Variants in GAB1 observed in about 807,000 individuals in gnomAD.
The protein encoded by GAB1 is GRB2-associated-binding protein 1.
A neutral mutation model predicts 66.5 loss-of-function variants in GAB1; 19 were observed. The ratio of observed to expected loss-of-function variants is 0.29; its 90% CI spans 0.20 to 0.42. GAB1 has a LOEUF of 0.42. Among genes scored for constraint, GAB1 ranks in the 10% least tolerant of loss-of-function variants. The pLI is 1.00. For synonymous variants in GAB1, 294 were observed against 301.4 expected, an observed-to-expected ratio of 0.98 and a Z score of 0.25; for missense variants, 732 against 858.5, an observed-to-expected ratio of 0.85 and a Z score of 1.84.
At chr4:143,356,005 G>A (rs1356464055) in intron 1 of GAB1, among the ~76,000 whole-genome samples, 2 of 151,948 alleles carry the variant, frequency 1.3e-5, no homozygotes, top group Non-Finnish European at 2.9e-5. Flanking sequence ...CATGGCCTAA[G>A]TTCTGAAATT....
intron 7 of GAB1, 104 bp from the exon 8 acceptor site, chr4:143,460,260 G>T: frequency 9.4e-7 from 1 of 1,064,900 alleles, no homozygotes; most frequent in South Asian, 1.3e-5. Flanking sequence ...AAACATAAGG[G>T]AATATTTCTG....
Position 143,406,484 on chromosome 4 carries a change from G to A in GAB1, c.73-8993G>A, listed in dbSNP as rs192639772. 4.6e-5 allele frequency among the ~76,000 whole-genome samples: 7 copies of A among 152,328 alleles called. No individual in the cohort carries two copies. In the East Asian group the frequency reaches 1.4e-3, roughly 29 times the overall value. ...TTGTTCTTCACTAGCTGCAACTTGT[G>A]TTCCAAATCTTTAGCTGGCCAGATT... On this transcript the variant is annotated intron_variant, in intron 1 of 9. Coordinates refer to ENST00000262994, the MANE Select transcript of GAB1 (RefSeq NM_002039.4).
At chr4:143,460,289 C>T in intron 7 of GAB1, 75 bp from the exon 8 acceptor site, 4 of 1,385,862 alleles carry the variant, frequency 2.9e-6, no homozygotes, top group South Asian at 2.3e-5. Context: ...CAGACTGTCT[C>T]TCATTTTTAT....
At chr4:143,394,346 T>C (rs918439435) in intron 1 of GAB1, among the ~76,000 whole-genome samples, 5 of 149,954 alleles carry the variant, frequency 3.3e-5, no homozygotes, top group African/African-American at 7.4e-5. Context: ...AAGCTGGAGG[T>C]TTTTCAAGGA....
intron 1 of GAB1, among the ~76,000 whole-genome samples, chr4:143,345,486 A>G (rs1194981477): frequency 6.6e-6 from 1 of 152,270 alleles, no homozygotes; most frequent in Non-Finnish European, 1.5e-5. Context: ...GACAAATATT[A>G]AACTTTGCTT....
At chr4:143,376,158 C>T (rs1730408181) in intron 1 of GAB1, among the ~76,000 whole-genome samples, 1 of 151,926 alleles carries the variant, frequency 6.6e-6, no homozygotes, top group African/African-American at 2.4e-5. Context: ...TTTATACCTG[C>T]AGAACTATAA....
chr4:143,390,846 A>G (rs570071432), intron 1 of GAB1, among the ~76,000 whole-genome samples: 1 of 152,290 alleles, frequency 6.6e-6, no homozygotes, highest in African/African-American at 2.4e-5. Flanking sequence ...CTCAGGGTTC[A>G]TCTACATAGT....
intron 1 of GAB1, among the ~76,000 whole-genome samples, chr4:143,341,581 T>C (rs375472591): frequency 6.6e-6 from 1 of 152,218 alleles, no homozygotes; most frequent in Non-Finnish European, 1.5e-5. Context: ...ACAGCCAGCC[T>C]GGTAGCAAGG....
At chr4:143,364,916 CA>C (rs1167188523) in intron 1 of GAB1, among the ~76,000 whole-genome samples, 3 of 123,458 alleles carry the variant, frequency 2.4e-5, no homozygotes, top group African/African-American at 9.7e-5. Context: ...CTCACTCTGT[CA>C]CCCAGGCTGG....
intron 6 of GAB1, among the ~76,000 whole-genome samples, chr4:143,447,359 G>A (rs914470764): frequency 5.3e-5 from 8 of 152,114 alleles, no homozygotes; most frequent in African/African-American, 1.9e-4. Context: ...GATGGGGATG[G>A]CATTGAATCT....
At chr4:143,452,616 A>G (rs751647120) in intron 6 of GAB1, among the ~76,000 whole-genome samples, 14 of 152,230 alleles carry the variant, frequency 9.2e-5, no homozygotes, top group Non-Finnish European at 1.6e-4. Flanking sequence ...TTTTCTTCAC[A>G]TAAATTTTCT....
intron 5 of GAB1, 62 bp from the exon 6 acceptor site, chr4:143,440,017 A>G (rs950235452): frequency 1.3e-6 from 2 of 1,492,668 alleles, no homozygotes; most frequent in African/African-American, 2.8e-5. Flanking sequence ...TGTGACTTAC[A>G]ATTGTGTTTT....
intron 6 of GAB1, among the ~76,000 whole-genome samples, chr4:143,449,742 C>A (rs1302278113): frequency 6.6e-6 from 1 of 152,144 alleles, no homozygotes; most frequent in South Asian, 2.1e-4. Context: ...GACTCTTTAT[C>A]CAATTTGCCA....
chr4:143,464,666 T>A (rs1283089243), intron 8 of GAB1, among the ~76,000 whole-genome samples: 1 of 152,228 alleles, frequency 6.6e-6, no homozygotes, highest in Non-Finnish European at 1.5e-5. Context: ...CCTGATTATA[T>A]GAAATTCAGG....
At chr4:143,446,298 G>A (rs1211694001) in intron 6 of GAB1, among the ~76,000 whole-genome samples, 1 of 152,040 alleles carries the variant, frequency 6.6e-6, no homozygotes. Context: ...TAGTCCTTTG[G>A]GTATATACCC....
intron 6 of GAB1, among the ~76,000 whole-genome samples, chr4:143,450,495 A>G (rs1376860443): frequency 6.6e-6 from 1 of 152,182 alleles, no homozygotes. Flanking sequence ...GATCACATCT[A>G]TTTAATTGAA....
At chr4:143,423,862 ATT>A (rs35941121) in intron 2 of GAB1, among the ~76,000 whole-genome samples, 1 of 124,594 alleles carries the variant, frequency 8.0e-6, no homozygotes, top group African/African-American at 2.8e-5. Flanking sequence ...TGAAAAGGAT[ATT>A]TTTTTTTTAA....
chr4:143,432,262 A>C (rs892982413), intron 2 of GAB1, among the ~76,000 whole-genome samples: 5 of 152,180 alleles, frequency 3.3e-5, no homozygotes, highest in Non-Finnish European at 2.9e-5. Context: ...CCTCAGAAGA[A>C]ATCTGAAGAC....
chr4:143,383,912 A>G lies in GAB1; in HGVS notation c.73-31565A>G, dbSNP rs1045664445. On this transcript the variant is annotated intron_variant, in intron 1 of 9. Transcript: ENST00000262994. Reference sequence around the variant, plus strand: ...CAACCTAGCAAGAGCTATTTCCACAAAAAAGTGAAAAAACTACCCGGGCGT... The same window carrying G: ...CAACCTAGCAAGAGCTATTTCCACAGAAAAGTGAAAAAACTACCCGGGCGT... Among the ~76,000 whole-genome samples, 4 of 152,044 alleles carry G rather than the reference A, an allele frequency of 2.6e-5. No individual in the cohort carries two copies. The East Asian group carries it at 7.7e-4, about 29-fold the overall frequency.
Sources: allele counts gnomAD v4.1 joint callset (sites outside exome capture counted in the v4.1 genomes callset), GRCh38; gene constraint gnomAD v4.1.1; transcripts MANE v1.5; gene names NCBI Gene and HGNC (gene_info 2026-07-23, HGNC 2026-07-21).